Variants in USP6NL observed in about 807,000 individuals in gnomAD.
USP6NL encodes the protein USP6 N-terminal-like protein.
In USP6NL, 26 loss-of-function variants were observed where a neutral mutation model predicts 61.9. The ratio of observed to expected loss-of-function variants is 0.42; its 90% CI spans 0.31 to 0.58. The LOEUF (loss-of-function observed/expected upper bound fraction) is 0.58, where lower values mean the gene tolerates loss of function less well. USP6NL is among the 20% of genes least tolerant of loss of function. USP6NL has a pLI of 0.16. For missense variants in USP6NL, 1,114 were observed against 1,034.3 expected, an observed-to-expected ratio of 1.08 and a Z score of -1.06; for synonymous variants, 432 against 390.1, an observed-to-expected ratio of 1.11 and a Z score of -1.27.
intron 2 of USP6NL, among the ~76,000 whole-genome samples, chr10:11,549,301 C>A (rs1278337275): frequency 6.6e-6 from 1 of 152,142 alleles, no homozygotes; most frequent in Admixed American, 6.5e-5. Context: ...CCAGGACATA[C>A]ATGCTTTCTT....
chr10:11,552,155 C>T (rs1369761839), intron 2 of USP6NL, among the ~76,000 whole-genome samples: 5 of 152,070 alleles, frequency 3.3e-5, no homozygotes, highest in Admixed American at 1.3e-4. Context: ...TGCTTAGAGG[C>T]GTGGCATACA....
intron 4 of USP6NL, among the ~76,000 whole-genome samples, chr10:11,524,981 G>A (rs1264111341): frequency 1.3e-5 from 2 of 152,148 alleles, no homozygotes; most frequent in Non-Finnish European, 2.9e-5. Flanking sequence ...CTATAAGGAA[G>A]ATGAATGGCA....
rs892768019 is a variant in USP6NL, at chr10:11,562,172, T to G, written c.5-34605A>C. On this transcript the variant is annotated intron_variant, in intron 2 of 14. Coordinates refer to ENST00000609104, the MANE Select transcript of USP6NL (RefSeq NM_014688.5). This position sits in a 1 kb window ranked among gnomAD's most constrained non-coding sequence, Gnocchi z 4.8. ...GCTGGCGCCTGTAATCCCAGCTACT[T>G]GGGAGGCTGAAGCCGGTAGGCGGAG... Among the ~76,000 whole-genome samples, 7 of 149,460 alleles carry G rather than the reference T, an allele frequency of 4.7e-5. No homozygotes were observed. Among genetic ancestry groups the G allele is most frequent in the African/African-American group, 1.7e-4 (7 of 40,442 alleles).
chr10:11,577,137 A>G (rs963433345), intron 2 of USP6NL, among the ~76,000 whole-genome samples: 1 of 150,110 alleles, frequency 6.7e-6, no homozygotes, highest in African/African-American at 2.5e-5. Flanking sequence ...AGCTCACTGC[A>G]AGCTCCGTCT....
intron 6 of USP6NL, among the ~76,000 whole-genome samples, chr10:11,507,576 AAG>A (rs1385476230): frequency 5.9e-5 from 9 of 152,222 alleles, no homozygotes; most frequent in Admixed American, 5.2e-4. Flanking sequence ...CCATGTCAAA[AAG>A]ATTCCCATGG....
chr10:11,491,001 G>A lies in USP6NL; in HGVS notation c.495-121C>T. 3.6e-6 allele frequency: 3 copies of A among 822,568 alleles called. No homozygotes were observed. Among genetic ancestry groups the A allele is most frequent in the Middle Eastern group, 3.9e-4 (1 of 2,546 alleles). The allele number at this position is 822,568 out of a possible 1,614,324, so 51.0% of individuals were successfully genotyped here. A position where few individuals can be genotyped will look rare whatever the true frequency, so the allele number is the denominator to read the frequency against. On this transcript the variant is annotated intron_variant, in intron 8 of 14. Coordinates refer to ENST00000609104, the MANE Select transcript of USP6NL (RefSeq NM_014688.5). This position sits in a 1 kb window ranked among gnomAD's most constrained non-coding sequence, Gnocchi z 4.7. ...AGATAATCCAGATAAAATTACTAAT[G>A]TAATAAATTATCCCAAGTTCAAATT... is the stretch of plus-strand genomic sequence containing the variant.
rs1403758267 is a variant in USP6NL, at chr10:11,611,014, C to CA, written c.-84+428dup. Among the ~76,000 whole-genome samples the CA allele has an allele frequency of 6.6e-6, 1 of 152,032 alleles. No homozygotes were observed. Among genetic ancestry groups the CA allele is most frequent in the Admixed American group, 6.6e-5 (1 of 15,260 alleles). On this transcript the variant is annotated intron_variant, in intron 1 of 14. Coordinates refer to ENST00000609104, the MANE Select transcript of USP6NL (RefSeq NM_014688.5). The surrounding 1 kb of genome is among the most constrained non-coding windows in gnomAD (Gnocchi z 5.3). ...CCATCCTCCCCTCGCCTGGTCCAAA[C>CA]AAAGTTCCGCGGCATCAAGGCAGTC...
chr10:11,582,566 G>A (rs1255963670), intron 2 of USP6NL, among the ~76,000 whole-genome samples: 3 of 152,188 alleles, frequency 2.0e-5, no homozygotes, highest in African/African-American at 2.4e-5. Context: ...CAGAATATGT[G>A]TTTATGGATG....
rs1162168860 is a variant in USP6NL, at chr10:11,589,567, A to G, written c.4+8064T>C. On this transcript the variant is annotated intron_variant, in intron 2 of 14. Coordinates refer to ENST00000609104, the MANE Select transcript of USP6NL (RefSeq NM_014688.5). The surrounding 1 kb of genome is among the most constrained non-coding windows in gnomAD (Gnocchi z 4.7). ...ATTTCTCTCAAGTTATAATCAAGCAAATATATTCTCCCTTACCTTGCAAGT... is the reference window on the plus strand; with the variant it reads ...ATTTCTCTCAAGTTATAATCAAGCAGATATATTCTCCCTTACCTTGCAAGT... Among the ~76,000 whole-genome samples, 1 of 152,216 alleles carries G rather than the reference A, an allele frequency of 6.6e-6. No homozygotes were observed. The highest frequency in any genetic ancestry group is 1.5e-5 in the Non-Finnish European group (1 of 68,042).
At chr10:11,506,843 ATAAG>A (rs1251763165) in intron 6 of USP6NL, among the ~76,000 whole-genome samples, 2 of 151,918 alleles carry the variant, frequency 1.3e-5, no homozygotes, top group Non-Finnish European at 2.9e-5. Flanking sequence ...TTACTACTAT[ATAAG>A]TAAGGAATCT....
intron 6 of USP6NL, among the ~76,000 whole-genome samples, chr10:11,507,141 T>A (rs945723203): frequency 6.6e-6 from 1 of 152,206 alleles, no homozygotes; most frequent in Non-Finnish European, 1.5e-5. Flanking sequence ...CCAGTAGAAT[T>A]GTTCGTTTTT....
intron 1 of USP6NL, among the ~76,000 whole-genome samples, chr10:11,607,942 C>G (rs903833441): frequency 6.6e-6 from 1 of 152,160 alleles, no homozygotes; most frequent in African/African-American, 2.4e-5. Flanking sequence ...CCCTGAGTAA[C>G]TAAATAATCT....
In USP6NL at chr10:11,510,005, C is replaced by T. The variant is rs1834631089; in HGVS notation, c.196-330G>A. On this transcript the variant is annotated intron_variant, in intron 5 of 14. Transcript: ENST00000609104. This position sits in a 1 kb window ranked among gnomAD's most constrained non-coding sequence, Gnocchi z 4.8. ...GAAATATTTTACAAAGCAACAAAAACACTACTTTGAAATTTAATTCTCTTC... is the reference window on the plus strand; with the variant it reads ...GAAATATTTTACAAAGCAACAAAAATACTACTTTGAAATTTAATTCTCTTC... Among the ~76,000 whole-genome samples the T allele has an allele frequency of 6.8e-6, 1 of 147,802 alleles. No individual in the cohort carries two copies. The highest frequency in any genetic ancestry group is 2.5e-5 in the African/African-American group (1 of 40,246).
At position 11,462,283 on chromosome 10, in the gene USP6NL, G is replaced by A. The variant is rs766430246; in HGVS notation, c.*158C>T. ...AACGCTCATCTTAAGCAGCATCTAC[G>A]TGGGGCTGAAGACATTTCCCTGTAT... On this transcript the variant is annotated 3_prime_UTR_variant, in exon 15 of 15. Transcript: ENST00000609104. 4 of 861,546 alleles carry A rather than the reference G, an allele frequency of 4.6e-6. No individual in the cohort carries two copies. The highest frequency in any genetic ancestry group is 2.7e-5 in the East Asian group (1 of 37,122). The allele number at this position is 861,546 out of a possible 1,614,324, so 53.4% of individuals were successfully genotyped here. A position where few individuals can be genotyped will look rare whatever the true frequency, so the allele number is the denominator to read the frequency against.
In USP6NL at chr10:11,553,239, GAC is replaced by G. The variant is rs1052600704; in HGVS notation, c.5-25674_5-25673del. On this transcript the variant is annotated intron_variant, in intron 2 of 14. Coordinates refer to ENST00000609104, the MANE Select transcript of USP6NL (RefSeq NM_014688.5). This position sits in a 1 kb window ranked among gnomAD's most constrained non-coding sequence, Gnocchi z 4.8. The stretch of plus-strand genomic sequence containing the variant: ...GAATGCAAAGAAAAAGCTGTTTCAA[GAC>G]AGTGTACGATAATCCCAAGTGTGAT... Among the ~76,000 whole-genome samples the G allele has an allele frequency of 3.3e-5, 5 of 152,182 alleles. No homozygotes were observed. The highest frequency in any genetic ancestry group is 1.2e-4 in the African/African-American group (5 of 41,442).
At chr10:11,555,457 GAGAGAGAGAGAGAA>G (rs1164595661) in intron 2 of USP6NL, among the ~76,000 whole-genome samples, 1,929 of 86,136 alleles carry the variant, frequency 0.022, 55 homozygotes, top group Middle Eastern at 0.04. Flanking sequence ...TATATAGAGA[GAGAGAGAGAGAGAA>G]AGAGAGAGAG....
Position 11,490,865 on chromosome 10 carries a change from G to A in USP6NL, c.510C>T (p.Phe170=), listed in dbSNP as rs1331321806. 1 of 1,545,150 alleles carries A rather than the reference G, an allele frequency of 6.5e-7. No individual in the cohort carries two copies. The highest frequency in any genetic ancestry group is 1.2e-5 in the South Asian group (1 of 81,622). Residue 170 remains phenylalanine (F), a synonymous_variant, in exon 9 of 15, where the codon TTC becomes TTT. Coordinates refer to ENST00000609104, the MANE Select transcript of USP6NL (RefSeq NM_014688.5). The surrounding 1 kb of genome is among the most constrained non-coding windows in gnomAD (Gnocchi z 4.5). The stretch of plus-strand genomic sequence containing the variant: ...AAATAGAATAGGCAGCAAGCACATG[G>A]AATAAGGATTGTTGCCTAGAGAAAA... ...DRYGVKQQSL[F]HVLAAYSIYN...
intron 2 of USP6NL, among the ~76,000 whole-genome samples, chr10:11,583,486 C>T (rs939910681): frequency 6.6e-6 from 1 of 152,088 alleles, no homozygotes; most frequent in African/African-American, 2.4e-5. Context: ...CCACCGCGCC[C>T]GGCTACTACA....
intron 2 of USP6NL, among the ~76,000 whole-genome samples, chr10:11,552,185 C>A (rs1197237927): frequency 6.6e-6 from 1 of 152,018 alleles, no homozygotes; most frequent in East Asian, 1.9e-4. Flanking sequence ...TAAGAAAAAA[C>A]AAAGGTTATA....
Sources: gnomAD v4.1 joint callset for allele counts (sites outside exome capture counted in the v4.1 genomes callset) on GRCh38, gnomAD v4.1.1 for gene constraint, Gnocchi (gnomAD v3.1) non-coding constraint, MANE v1.5 for transcripts, NCBI Gene and HGNC (gene_info 2026-07-23, HGNC 2026-07-21) for gene names.